Variants in FRMPD4 observed in about 807,000 individuals in gnomAD.
FRMPD4 encodes FERM and PDZ domain-containing protein 4.
In FRMPD4, 22 loss-of-function variants were observed where a neutral mutation model predicts 94.1. That is an observed-to-expected ratio of 0.23 (90% CI 0.17 to 0.33). FRMPD4 has a LOEUF of 0.33. FRMPD4 is among the 10% of genes least tolerant of loss of function. The pLI is 1.00. For synonymous variants in FRMPD4, 631 were observed against 548.6 expected, an observed-to-expected ratio of 1.15 and a Z score of -2.10; for missense variants, 1,111 against 1,339.9, an observed-to-expected ratio of 0.83 and a Z score of 2.67.
intron 1 of FRMPD4, among the ~76,000 whole-genome samples, chrX:12,352,183 T>TA (rs770222970): frequency 8.9e-6 from 1 of 112,639 alleles, no homozygotes; most frequent in South Asian, 3.7e-4. Context: ...TCTTTTTCTT[T>TA]AAAAAATTTA....
At chrX:12,681,198 G>C (rs1450582247) in intron 5 of FRMPD4, among the ~76,000 whole-genome samples, 1 of 111,705 alleles carries the variant, frequency 9.0e-6, no homozygotes, top group Non-Finnish European at 1.9e-5. Flanking sequence ...GTCTGTTCTG[G>C]GTAGCTTTAT....
intron 11 of FRMPD4, 135 bp from the exon 12 acceptor site, chrX:12,706,691 A>T (rs773354386): frequency 2.5e-6 from 1 of 401,605 alleles, no homozygotes; most frequent in Non-Finnish European, 4.5e-6. Flanking sequence ...ATTCCTAATG[A>T]ATAGTCTTTG....
At chrX:11,912,605 A>G (rs1217830219) in intron 3 of FRMPD4, among the ~76,000 whole-genome samples, 1 of 111,828 alleles carries the variant, frequency 8.9e-6, no homozygotes, top group East Asian at 2.8e-4. Flanking sequence ...GTAACAAAAC[A>G]AGATTTTGAA....
chrX:11,918,551 C>T (rs1396828985), intron 3 of FRMPD4, among the ~76,000 whole-genome samples: 1 of 112,333 alleles, frequency 8.9e-6, no homozygotes, highest in African/African-American at 3.2e-5. Context: ...TTGCAGTGAG[C>T]CAAGATCATG....
At chrX:12,060,541 A>G (rs1430580884) in intron 3 of FRMPD4, among the ~76,000 whole-genome samples, 3 of 110,681 alleles carry the variant, frequency 2.7e-5, no homozygotes, top group Admixed American at 9.7e-5. Context: ...TAATGTATCT[A>G]TAAAGAATCA....
intron 3 of FRMPD4, among the ~76,000 whole-genome samples, chrX:12,063,914 A>C (rs1275463467): frequency 8.9e-6 from 1 of 112,809 alleles, no homozygotes; most frequent in African/African-American, 3.2e-5. Flanking sequence ...AGTGTCATGT[A>C]TAGAGAAAAA....
At chrX:12,068,859 T>C (rs758969216) in intron 3 of FRMPD4, among the ~76,000 whole-genome samples, 1 of 112,458 alleles carries the variant, frequency 8.9e-6, no homozygotes, top group Admixed American at 9.4e-5. Context: ...GTGTCTACCA[T>C]ATGTCAGACT....
intron 1 of FRMPD4, among the ~76,000 whole-genome samples, chrX:12,335,910 C>T (rs943348547): frequency 2.7e-5 from 3 of 112,273 alleles, no homozygotes; most frequent in Admixed American, 1.9e-4. Flanking sequence ...AATCACCTTA[C>T]TTATGACTCT....
chrX:12,718,486 A>C lies in FRMPD4; in HGVS notation c.3660A>C (p.Ala1220=). The C allele has an allele frequency of 8.3e-7, 1 of 1,205,968 alleles. No homozygotes were observed. Among genetic ancestry groups the C allele is most frequent in the Non-Finnish European group, 1.1e-6 (1 of 890,165 alleles). Residue 1220 remains alanine, a synonymous_variant, in exon 16 of 17, where the codon GCA becomes GCC. Transcript: ENST00000675598. Reference sequence around the variant, plus strand: ...GCTCCCAAGGCTCTTCAGTGGATGCAGGCTGTGGCACAGGCAGCAGTGGCA... The same window carrying C: ...GCTCCCAAGGCTCTTCAGTGGATGCCGGCTGTGGCACAGGCAGCAGTGGCA... The part of the protein sequence containing the change: ...LQSSQGSSVD[A]GCGTGSSGSA...
chrX:11,843,614 C>G (rs1003807490), intron 1 of FRMPD4, among the ~76,000 whole-genome samples: 6 of 110,574 alleles, frequency 5.4e-5, no homozygotes, highest in Non-Finnish European at 1.1e-4. Flanking sequence ...CTGGAGCACA[C>G]TGGTATGAGT....
At chrX:12,491,584 G>A (rs2057793998) in intron 1 of FRMPD4, among the ~76,000 whole-genome samples, 1 of 112,407 alleles carries the variant, frequency 8.9e-6, no homozygotes, top group Admixed American at 9.4e-5. Context: ...CTGTGAAAGT[G>A]CCTAGAACAG....
At chrX:12,358,939 A>G (rs5935310) in intron 1 of FRMPD4, among the ~76,000 whole-genome samples, 26,401 of 111,399 alleles carry the variant, frequency 0.24, 2,412 homozygotes, top group African/African-American at 0.29. Flanking sequence ...CATTACTTCT[A>G]TAACCGCAAC....
intron 1 of FRMPD4, among the ~76,000 whole-genome samples, chrX:11,862,928 A>C (rs2053695388): frequency 9.6e-6 from 1 of 103,653 alleles, no homozygotes; most frequent in Non-Finnish European, 2.0e-5. Context: ...AAGGGTAGCA[A>C]CCTGATTGGA....
intron 1 of FRMPD4, among the ~76,000 whole-genome samples, chrX:12,240,963 T>C (rs1413647051): frequency 8.9e-6 from 1 of 111,994 alleles, no homozygotes; most frequent in Non-Finnish European, 1.9e-5. Context: ...AAGGTTGTGA[T>C]CAGCCAGATT....
At chrX:12,476,622 AAAAC>A (rs1181262056) in intron 1 of FRMPD4, among the ~76,000 whole-genome samples, 17 of 112,143 alleles carry the variant, frequency 1.5e-4, no homozygotes, top group East Asian at 1.1e-3. Flanking sequence ...TTACAAGAAA[AAAAC>A]AAACAACCCC....
At chrX:12,126,716 G>T (rs1425587630) in intron 3 of FRMPD4, among the ~76,000 whole-genome samples, 2 of 111,423 alleles carry the variant, frequency 1.8e-5, no homozygotes, top group African/African-American at 6.5e-5. Flanking sequence ...GTCTAATTCG[G>T]TTTCTCCCTT....
chrX:12,007,331 C>T (rs373852187), intron 3 of FRMPD4, among the ~76,000 whole-genome samples: 1 of 112,382 alleles, frequency 8.9e-6, no homozygotes, highest in Non-Finnish European at 1.9e-5. Context: ...GCCCTGTTCA[C>T]CTTGGAGATT....
At chrX:12,475,257 C>T (rs1361234994) in intron 1 of FRMPD4, among the ~76,000 whole-genome samples, 4 of 112,077 alleles carry the variant, frequency 3.6e-5, no homozygotes, top group East Asian at 2.8e-4. Flanking sequence ...CGACAAAATT[C>T]GACAGCCCTT....
At chrX:12,583,409 A>G in intron 2 of FRMPD4, 1 of 1,146,986 alleles carries the variant, frequency 8.7e-7, no homozygotes, top group Non-Finnish European at 1.2e-6. Flanking sequence ...TACTGGGCAC[A>G]CTCACCGAAC....
Sources: gnomAD v4.1 joint callset for allele counts (sites outside exome capture counted in the v4.1 genomes callset) on GRCh38, gnomAD v4.1.1 for gene constraint, MANE v1.5 for transcripts, NCBI Gene and HGNC (gene_info 2026-07-23, HGNC 2026-07-21) for gene names.